RIMS1: variants seen among roughly 807,000 people sequenced by gnomAD.
RIMS1 encodes regulating synaptic membrane exocytosis 1, also known as regulating synaptic membrane exocytosis protein 1.
Under a neutral mutation model 214.1 loss-of-function variants are expected in RIMS1, and 83 were observed. That is an observed-to-expected ratio of 0.39 (90% CI 0.32 to 0.47). RIMS1 has a LOEUF of 0.47. Ranked by LOEUF, RIMS1 falls within the 20% of genes least tolerant of loss-of-function variation. RIMS1 has a pLI of 0.99. For missense variants in RIMS1, 2,050 were observed against 2,161.8 expected (o/e 0.95, Z 1.03); for synonymous variants, 793 against 786.8 (o/e 1.01, Z -0.13).
chr6:71,918,885 A>G lies in RIMS1; in HGVS notation c.164+31698A>G, dbSNP rs865936437. Among the ~76,000 whole-genome samples the G allele has an allele frequency of 2.0e-5, 3 of 152,254 alleles. 1 individual carries two copies. In the Middle Eastern group the frequency reaches 0.01, roughly 518 times the overall value. ...GTTTGCTTGGCATTAGCATCCTTCTATCTGACTAGGGCCAGAGAGAAGGCT... is the reference window on the plus strand; with the variant it reads ...GTTTGCTTGGCATTAGCATCCTTCTGTCTGACTAGGGCCAGAGAGAAGGCT... On this transcript the variant is annotated intron_variant, in intron 1 of 33. Coordinates refer to ENST00000521978, the MANE Select transcript of RIMS1 (RefSeq NM_014989.7).
At chr6:72,141,270 C>T (rs2042046450) in intron 4 of RIMS1, among the ~76,000 whole-genome samples, 1 of 152,000 alleles carries the variant, frequency 6.6e-6, no homozygotes, top group African/African-American at 2.4e-5. Context: ...GCATCAGTGA[C>T]ATAGTGCCAG....
chr6:71,897,264 C>G (rs907838595), intron 1 of RIMS1, among the ~76,000 whole-genome samples: 1 of 152,132 alleles, frequency 6.6e-6, no homozygotes, highest in Admixed American at 6.5e-5. Flanking sequence ...CCTCTTGATT[C>G]ATTTTTCTGC....
chr6:72,076,987 T>G (rs1832055019), intron 2 of RIMS1, among the ~76,000 whole-genome samples: 2 of 152,188 alleles, frequency 1.3e-5, no homozygotes, highest in African/African-American at 4.8e-5. Flanking sequence ...TCCATGGTTC[T>G]CAAGGCCTTC....
At chr6:72,150,219 C>A (rs959517088) in intron 4 of RIMS1, among the ~76,000 whole-genome samples, 1 of 149,950 alleles carries the variant, frequency 6.7e-6, no homozygotes, top group African/African-American at 2.5e-5. Context: ...TAAAAAAAGG[C>A]CAGTCAAAGG....
chr6:72,038,112 AAAAAAAATATATATAT>A (rs1303860265), intron 2 of RIMS1, among the ~76,000 whole-genome samples: 3 of 59,648 alleles, frequency 5.0e-5, no homozygotes, highest in African/African-American at 1.1e-4. Context: ...AAAAAAAAAA[AAAAAAAATATATATAT>A]ATATATATAT....
At chr6:72,123,801 T>C (rs1003290568) in intron 4 of RIMS1, among the ~76,000 whole-genome samples, 6 of 151,572 alleles carry the variant, frequency 4.0e-5, no homozygotes, top group Admixed American at 3.3e-4. Context: ...CAACCCCTGC[T>C]TTTTTTTGTT....
intron 6 of RIMS1, among the ~76,000 whole-genome samples, chr6:72,214,804 C>T (rs2055067517): frequency 6.6e-6 from 1 of 151,986 alleles, no homozygotes; most frequent in South Asian, 2.1e-4. Context: ...TCGTTGCAAC[C>T]TCTGTCTCCT....
At chr6:72,076,735 A>C (rs1831988685) in intron 2 of RIMS1, among the ~76,000 whole-genome samples, 1 of 152,028 alleles carries the variant, frequency 6.6e-6, no homozygotes, top group Non-Finnish European at 1.5e-5. Context: ...CTGAAATAAT[A>C]TTTTACATTG....
At chr6:72,224,744 AT>A (rs1486600980) in intron 6 of RIMS1, among the ~76,000 whole-genome samples, 2 of 152,064 alleles carry the variant, frequency 1.3e-5, no homozygotes, top group South Asian at 2.1e-4. Context: ...CTTTATCCTC[AT>A]TTTTTTGTGG....
intron 4 of RIMS1, among the ~76,000 whole-genome samples, chr6:72,109,553 T>G (rs1430587381): frequency 1.3e-5 from 2 of 151,454 alleles, no homozygotes; most frequent in Non-Finnish European, 3.0e-5. Flanking sequence ...GGGTTGTTTG[T>G]TTTTTTCTTG....
At chr6:72,253,512 C>T (rs1377877098) in intron 16 of RIMS1, among the ~76,000 whole-genome samples, 1 of 151,974 alleles carries the variant, frequency 6.6e-6, no homozygotes, top group South Asian at 2.1e-4. Context: ...ACTTTCTTGG[C>T]ACTAATTCTA....
chr6:71,983,634 G>T (rs770577177), intron 2 of RIMS1, among the ~76,000 whole-genome samples: 59 of 152,150 alleles, frequency 3.9e-4, no homozygotes, highest in Non-Finnish European at 6.8e-4. Context: ...CACAACAAGA[G>T]AAATGACTAC....
intron 2 of RIMS1, among the ~76,000 whole-genome samples, chr6:72,073,515 G>A (rs906554114): frequency 6.6e-5 from 10 of 152,106 alleles, no homozygotes; most frequent in African/African-American, 2.2e-4. Context: ...GATGGGTTTC[G>A]CTCTTGATAG....
chr6:71,983,016 C>T (rs923342077), intron 2 of RIMS1, among the ~76,000 whole-genome samples: 2 of 152,078 alleles, frequency 1.3e-5, no homozygotes, highest in African/African-American at 4.8e-5. Flanking sequence ...TTTGCCACTG[C>T]TTGTTTTAAT....
intron 4 of RIMS1, among the ~76,000 whole-genome samples, chr6:72,138,890 A>G (rs1424890937): frequency 6.6e-6 from 1 of 152,194 alleles, no homozygotes; most frequent in African/African-American, 2.4e-5. Context: ...GTGAAGGGCA[A>G]TTTGTTAGCC....
chr6:71,976,690 C>G (rs1797224254), intron 2 of RIMS1, among the ~76,000 whole-genome samples: 1 of 151,884 alleles, frequency 6.6e-6, no homozygotes, highest in South Asian at 2.1e-4. Context: ...TAAGATTTCC[C>G]CCTGTGTTTT....
intron 1 of RIMS1, among the ~76,000 whole-genome samples, chr6:71,933,702 ACACACACACACACAC>A (rs1783746340): frequency 1.3e-5 from 2 of 151,542 alleles, no homozygotes; most frequent in African/African-American, 4.9e-5. Flanking sequence ...ACACACACAC[ACACACACACACACAC>A]AAGTTGTATT....
chr6:72,292,374 T>C (rs1021798658), intron 26 of RIMS1, among the ~76,000 whole-genome samples: 20 of 152,164 alleles, frequency 1.3e-4, no homozygotes, highest in African/African-American at 4.3e-4. Flanking sequence ...TTTTATGTGT[T>C]AAAAGAATAT....
chr6:72,035,203 A>G (rs752678128), intron 2 of RIMS1, among the ~76,000 whole-genome samples: 36 of 152,146 alleles, frequency 2.4e-4, no homozygotes, highest in Non-Finnish European at 4.0e-4. Context: ...ATTTCTAACA[A>G]TGCCTCAAAT....
Sources: gnomAD v4.1 joint callset for allele counts (sites outside exome capture counted in the v4.1 genomes callset) on GRCh38, gnomAD v4.1.1 for gene constraint, MANE v1.5 for transcripts, NCBI Gene and HGNC (gene_info 2026-07-23, HGNC 2026-07-21) for gene names.